The following DISC1 variants were observed in gnomAD, a reference collection of about 807,000 sequenced individuals.
DISC1 encodes disrupted in schizophrenia 1 protein.
In DISC1, 57 loss-of-function variants were observed where a neutral mutation model predicts 84.5. The ratio of observed to expected loss-of-function variants is 0.67; its 90% CI spans 0.55 to 0.84. The LOEUF is 0.84. Ranked by LOEUF, DISC1 falls within the 40% of genes least tolerant of loss-of-function variation. DISC1 has a pLI of 0.00. For missense variants in DISC1, 1,000 were observed against 1,057.8 expected (o/e 0.95, Z 0.76); for synonymous variants, 411 against 415.2 (o/e 0.99, Z 0.12).
chr1:231,954,991 G>A lies in DISC1; in HGVS notation c.1982-3837G>A, dbSNP rs139686562. On this transcript the variant is annotated intron_variant, in intron 9 of 12. Transcript: ENST00000439617. This position sits in a 1 kb window ranked among gnomAD's most constrained non-coding sequence, Gnocchi z 4.8. ...CTGGAAGTTCTTGTGCAGGTCCAGCGTGTCACCAACTGGTGCTTCAGACAC... is the reference window on the plus strand; with the variant it reads ...CTGGAAGTTCTTGTGCAGGTCCAGCATGTCACCAACTGGTGCTTCAGACAC... 4.0e-3 allele frequency among the ~76,000 whole-genome samples: 613 copies of A among 152,280 alleles called. 1 individual carries two copies. Among genetic ancestry groups the A allele is most frequent in the African/African-American group, 0.01 (426 of 41,544 alleles).
intron 9 of DISC1, among the ~76,000 whole-genome samples, chr1:231,918,442 T>G (rs1364918408): frequency 6.6e-6 from 1 of 152,186 alleles, no homozygotes; most frequent in Non-Finnish European, 1.5e-5. Context: ...TAGTTCCTGG[T>G]TGTGGGTTGT....
chr1:231,656,605 C>T (rs544632385), intron 1 of DISC1, among the ~76,000 whole-genome samples: 29 of 152,012 alleles, frequency 1.9e-4, no homozygotes, highest in Middle Eastern at 3.4e-3. Flanking sequence ...TAGGATTGTT[C>T]GTTCTTTCTT....
intron 3 of DISC1, among the ~76,000 whole-genome samples, chr1:231,737,361 T>C (rs1347558729): frequency 6.6e-6 from 1 of 152,246 alleles, no homozygotes; most frequent in African/African-American, 2.4e-5. Context: ...CTAATATTAT[T>C]GCTGTTCTTT....
chr1:231,818,643 T>G, intron 9 of DISC1, 126 bp downstream of exon 9: 1 of 1,471,200 alleles, frequency 6.8e-7, no homozygotes, highest in Non-Finnish European at 9.0e-7. Flanking sequence ...ACATGGCCCT[T>G]TTCCTTGGGG....
At chr1:231,921,149 C>T (rs1391583196) in intron 9 of DISC1, among the ~76,000 whole-genome samples, 1 of 151,758 alleles carries the variant, frequency 6.6e-6, no homozygotes, top group Non-Finnish European at 1.5e-5. Flanking sequence ...CTCCTGACCT[C>T]GTGATCTGCC....
At chr1:231,665,418 G>T (rs1474501814) in intron 1 of DISC1, among the ~76,000 whole-genome samples, 2 of 152,220 alleles carry the variant, frequency 1.3e-5, no homozygotes, top group South Asian at 2.1e-4. Flanking sequence ...GAAAAGTCAT[G>T]ACATTACAAG....
At chr1:231,667,059 C>T (rs1366226773) in intron 1 of DISC1, among the ~76,000 whole-genome samples, 1 of 152,198 alleles carries the variant, frequency 6.6e-6, no homozygotes, top group Non-Finnish European at 1.5e-5. Flanking sequence ...GATCCCCTTG[C>T]ACAGCCTGGC....
intron 12 of DISC1, among the ~76,000 whole-genome samples, chr1:232,029,262 G>A (rs555681418): frequency 5.9e-4 from 90 of 152,184 alleles, no homozygotes; most frequent in African/African-American, 1.9e-3. Context: ...ACTTTTCTTC[G>A]AATCCCAGTC....
intron 10 of DISC1, 140 bp downstream of exon 10, chr1:231,959,028 A>G: frequency 7.0e-7 from 1 of 1,437,440 alleles, no homozygotes; most frequent in South Asian, 1.6e-5. Flanking sequence ...AAGCCTTTTG[A>G]ACCCCATCAG....
chr1:231,799,763 G>T (rs1464388551), intron 7 of DISC1, among the ~76,000 whole-genome samples: 1 of 150,550 alleles, frequency 6.6e-6, no homozygotes, highest in Non-Finnish European at 1.5e-5. Context: ...GTGGGGTGAT[G>T]ATGGGCATAT....
intron 9 of DISC1, among the ~76,000 whole-genome samples, chr1:231,872,311 T>G (rs2085522450): frequency 3.3e-5 from 5 of 152,210 alleles, no homozygotes; most frequent in Admixed American, 2.6e-4. Flanking sequence ...TGTCATGTGG[T>G]TCTTTTGTAA....
chr1:231,688,643 A>G lies in DISC1; in HGVS notation c.68-5183A>G, dbSNP rs867707033. On this transcript the variant is annotated intron_variant, in intron 1 of 12. Transcript: ENST00000439617. ...AGGTTCCTCCATTAGTTTAATTTCA[A>G]ATTGAATTCTCCTTCCTCCATGATT... is the stretch of plus-strand genomic sequence containing the variant. 6.2e-5 allele frequency among the ~76,000 whole-genome samples: 8 copies of G among 130,016 alleles called. No homozygotes were observed. In the Middle Eastern group the frequency reaches 0.011, roughly 182 times the overall value. 85.3% of individuals were successfully genotyped at this position (130,016 alleles called of 152,430 possible).
chr1:231,844,305 C>T (rs12058082), intron 9 of DISC1, among the ~76,000 whole-genome samples: 2,659 of 152,244 alleles, frequency 0.017, 83 homozygotes, highest in African/African-American at 0.061. Flanking sequence ...AAACACTTTA[C>T]TTATGTGTAC....
At chr1:231,731,004 G>T (rs911885206) in intron 3 of DISC1, among the ~76,000 whole-genome samples, 1 of 152,040 alleles carries the variant, frequency 6.6e-6, no homozygotes, top group Non-Finnish European at 1.5e-5. Flanking sequence ...AAAAATCACA[G>T]TTTTTTGTGT....
At chr1:231,882,011 C>T (rs1443484833) in intron 9 of DISC1, among the ~76,000 whole-genome samples, 3 of 152,288 alleles carry the variant, frequency 2.0e-5, no homozygotes, top group East Asian at 1.9e-4. Context: ...TCAGGGTCTG[C>T]GCCCAGGCTT....
At chr1:231,649,307 G>A (rs1211883301) in intron 1 of DISC1, among the ~76,000 whole-genome samples, 2 of 152,126 alleles carry the variant, frequency 1.3e-5, no homozygotes, top group Admixed American at 6.5e-5. Flanking sequence ...CCTTCATTTT[G>A]TTATTTACCC....
intron 9 of DISC1, among the ~76,000 whole-genome samples, chr1:231,900,582 C>T (rs1034580332): frequency 2.0e-5 from 3 of 152,072 alleles, no homozygotes; most frequent in Admixed American, 1.3e-4. Flanking sequence ...CCGTTATATT[C>T]GGTATAAGGC....
intron 10 of DISC1, among the ~76,000 whole-genome samples, chr1:231,990,190 A>G (rs566337803): frequency 7.2e-5 from 11 of 152,042 alleles, no homozygotes; most frequent in African/African-American, 2.7e-4. Context: ...TGGTTCTGTT[A>G]TCTCACAGTT....
chr1:231,807,881 G>A (rs543857443), intron 8 of DISC1, among the ~76,000 whole-genome samples: 2 of 152,354 alleles, frequency 1.3e-5, no homozygotes, highest in African/African-American at 4.8e-5. Flanking sequence ...ACTTTTAAAA[G>A]AGAATTATAT....
Sources: gnomAD v4.1 joint callset for allele counts (sites outside exome capture counted in the v4.1 genomes callset) on GRCh38, gnomAD v4.1.1 for gene constraint, Gnocchi (gnomAD v3.1) non-coding constraint, MANE v1.5 for transcripts, NCBI Gene and HGNC (gene_info 2026-07-23, HGNC 2026-07-21) for gene names.